S100A16: variants seen among roughly 807,000 people sequenced by gnomAD.
The protein encoded by S100A16 is protein S100-A16.
Under a neutral mutation model 9.0 loss-of-function variants are expected in S100A16, and 8 were observed. The ratio of observed to expected loss-of-function variants is 0.89; its 90% confidence interval spans 0.52 to 1.60. S100A16 has a LOEUF of 1.60. S100A16 is among the 40% of genes most tolerant of loss of function. The pLI is 0.00. For missense variants in S100A16, 138 were observed against 132.4 expected (o/e 1.04, Z -0.21); for synonymous variants, 51 against 51.4 (o/e 0.99, Z 0.04).
At position 153,608,070 on chromosome 1, in the gene S100A16, G is replaced by C; in HGVS notation, c.82C>G (p.Leu28Val). 6.2e-7 allele frequency: 1 copy of C among 1,614,066 alleles called. No homozygotes were observed. Among genetic ancestry groups the C allele is most frequent in the Admixed American group, 1.7e-5 (1 of 60,016 alleles). ...NFYKYVSKYS[L>V]VKNKISKSSF... ...CTCTTGCTGATCTTGTTCTTGACCA[G>C]GCTGTACTTAGACACATATTTGTAG... Residue 28 changes from leucine (L) to valine (V), a missense_variant, in exon 2 of 3, where the codon CTG (leucine) becomes GTG (valine). Leu to Val is a conservative substitution (Grantham distance 32). Coordinates refer to ENST00000368706, the MANE Select transcript of S100A16 (RefSeq NM_080388.3).
chr1:153,608,001 A>G lies in S100A16; in HGVS notation c.151T>C (p.Ser51Pro), dbSNP rs1259296058. Residue 51 changes from serine (S) to proline (P), a missense_variant and splice_region_variant, in exon 2 of 3, where the codon TCG becomes CCG. Ser to Pro is a moderately conservative substitution (Grantham distance 74, BLOSUM62 -1). Coordinates refer to ENST00000368706, the MANE Select transcript of S100A16 (RefSeq NM_080388.3). ...MLQKELNHML[S>P]DTGNRKAADK... The stretch of plus-strand genomic sequence containing the variant: ...GGCCCTTGGGTGAGAGGCCTTACCG[A>G]CAGCATGTGGTTCAGCTCTTTCTGG... 6.2e-7 allele frequency: 1 copy of G among 1,613,892 alleles called. No homozygotes were observed. The highest frequency in any genetic ancestry group is 1.1e-5 in the South Asian group (1 of 91,088).
At chr1:153,607,785 A>G (rs1322596208) in intron 2 of S100A16, 93 bp from the exon 3 acceptor site, 1 of 1,488,098 alleles carries the variant, frequency 6.7e-7, no homozygotes, top group Non-Finnish European at 9.3e-7. Context: ...TCTGGCCTGC[A>G]CAGCTGCTTC....
chr1:153,609,103 C>G (rs749881718), intron 1 of S100A16: 3 of 985,770 alleles, frequency 3.0e-6, no homozygotes, highest in Non-Finnish European at 2.4e-6. Flanking sequence ...GCCCAAAACC[C>G]CCCCACATCA....
chr1:153,611,917 T>TCACACACACACACACACACA (rs55729519), intron 1 of S100A16, among the ~76,000 whole-genome samples: 23 of 140,788 alleles, frequency 1.6e-4, no homozygotes, highest in Non-Finnish European at 2.8e-4. Flanking sequence ...TGTCTCTCTC[T>TCACACACACACACACACACA]CACACACACA....
chr1:153,607,422 G>T lies in S100A16; in HGVS notation c.*112C>A. The stretch of plus-strand genomic sequence containing the variant: ...AGCAAGGGTCAGAGGAAGGTCTGGA[G>T]GGAGAAGAGAGTAAAGGGCCCTGGG... On this transcript the variant is annotated 3_prime_UTR_variant, in exon 3 of 3. Coordinates refer to ENST00000368706, the MANE Select transcript of S100A16 (RefSeq NM_080388.3). The T allele has an allele frequency of 7.9e-7, 1 of 1,262,652 alleles. No individual in the cohort carries two copies. The highest frequency in any genetic ancestry group is 1.1e-6 in the Non-Finnish European group (1 of 884,314). The allele number at this position is 1,262,652 out of a possible 1,614,324, so 78.2% of individuals were successfully genotyped here.
At chr1:153,609,190 G>C (rs933692804) in intron 1 of S100A16, 1 of 985,306 alleles carries the variant, frequency 1.0e-6, no homozygotes, top group Non-Finnish European at 1.2e-6. Context: ...GGCGGGTCCT[G>C]GTGAAAGGAG....
chr1:153,607,569 G>C lies in S100A16; in HGVS notation c.277C>G (p.Leu93Val), dbSNP rs1666722778. Residue 93 changes from leucine to valine, a missense_variant, in exon 3 of 3, where the codon CTC becomes GTC. Coordinates refer to ENST00000368706, the MANE Select transcript of S100A16 (RefSeq NM_080388.3). ...IGGITGPIAK[L>V]IHEQEQQSSS is the part of the protein sequence containing the mutation. The stretch of plus-strand genomic sequence containing the variant: ...CTCTGCTGCTCCTGCTCATGGATGA[G>C]TTTGGCGATGGGGCCGGTGATGCCG... 2.5e-6 allele frequency: 4 copies of C among 1,614,112 alleles called. No homozygotes were observed. The South Asian group carries it at 3.3e-5, about 13-fold the overall frequency.
chr1:153,611,112 T>C (rs1488637615), intron 1 of S100A16, among the ~76,000 whole-genome samples: 1 of 151,604 alleles, frequency 6.6e-6, no homozygotes, highest in Middle Eastern at 3.4e-3. Flanking sequence ...GGCTGATTCA[T>C]CATTGAGCAA....
chr1:153,607,969 G>C (rs1433451500), intron 2 of S100A16, 30 bp downstream of exon 2: 1 of 1,609,484 alleles, frequency 6.2e-7, no homozygotes. Flanking sequence ...AGGGGAGAGG[G>C]AGGCAAGGCC....
Position 153,612,992 on chromosome 1 carries a change from G to T in S100A16, c.-67C>A, listed in dbSNP as rs571836829. ...GCCTCCTCTCCAGCAGGGCTCTGGG[G>T]CCTGGGCTCTGGCACTGCCAAGCAG... On this transcript the variant is annotated 5_prime_UTR_variant, in exon 1 of 3. Transcript: ENST00000368706. 67 of 152,702 alleles carry T rather than the reference G, an allele frequency of 4.4e-4. No individual in the cohort carries two copies. The highest frequency in any genetic ancestry group is 6.1e-4 in the Non-Finnish European group (42 of 68,396). The allele number at this position is 152,702 out of a possible 1,614,324, so 9.5% of individuals were successfully genotyped here.
chr1:153,611,641 C>T (rs1298915253), intron 1 of S100A16, among the ~76,000 whole-genome samples: 1 of 152,134 alleles, frequency 6.6e-6, no homozygotes, highest in South Asian at 2.1e-4. Flanking sequence ...TCATTCATTC[C>T]CTTTTTCATT....
At chr1:153,609,613 C>T (rs1288071582) in intron 1 of S100A16, among the ~76,000 whole-genome samples, 4 of 152,174 alleles carry the variant, frequency 2.6e-5, no homozygotes, top group Non-Finnish European at 4.4e-5. Flanking sequence ...AACCAAGCGG[C>T]GGGACTCAGA....
At chr1:153,608,920 G>C in intron 1 of S100A16, 1 of 986,000 alleles carries the variant, frequency 1.0e-6, no homozygotes, top group East Asian at 1.1e-4. Context: ...GCCAAGCCCA[G>C]TTACAGCCCA....
chr1:153,608,352 G>A (rs1666749964), intron 1 of S100A16, 175 bp from the exon 2 acceptor site: 4 of 600,586 alleles, frequency 6.7e-6, no homozygotes, highest in East Asian at 2.8e-5. Context: ...CCTGGAATGA[G>A]AACTATGCGG....
rs147357546 is a variant in S100A16, at chr1:153,607,576, G to T, written c.270C>A (p.Ile90=). The change falls in exon 3 of 3, where the codon ATC becomes ATA. Residue 90 remains isoleucine (I), a synonymous_variant. Transcript: ENST00000368706. Reference sequence around the variant, plus strand: ...GCTCCTGCTCATGGATGAGTTTGGCGATGGGGCCGGTGATGCCGCCTATCA... The same window carrying T: ...GCTCCTGCTCATGGATGAGTTTGGCTATGGGGCCGGTGATGCCGCCTATCA... ...WTLIGGITGP[I]AKLIHEQEQQ... is the part of the protein sequence containing the mutation. 4.3e-6 allele frequency: 7 copies of T among 1,614,210 alleles called. No individual in the cohort carries two copies. The highest frequency in any genetic ancestry group is 5.9e-6 in the Non-Finnish European group (7 of 1,180,024).
chr1:153,608,326 G>A, intron 1 of S100A16, 149 bp from the exon 2 acceptor site: 2 of 641,326 alleles, frequency 3.1e-6, no homozygotes, highest in Non-Finnish European at 5.4e-6. Flanking sequence ...AACAGAGTGG[G>A]TGGGGGAGAG....
chr1:153,607,971 G>A (rs766396316), intron 2 of S100A16, 28 bp downstream of exon 2: 1 of 1,610,616 alleles, frequency 6.2e-7, no homozygotes, highest in South Asian at 1.1e-5. Flanking sequence ...GGGAGAGGGA[G>A]GCAAGGCCCT....
intron 1 of S100A16, 155 bp from the exon 2 acceptor site, chr1:153,608,332 G>T: frequency 1.6e-6 from 1 of 634,804 alleles, no homozygotes; most frequent in Non-Finnish European, 2.7e-6. Context: ...GTGGGTGGGG[G>T]AGAGTGAGCC....
chr1:153,610,790 G>A (rs1258969513), intron 1 of S100A16, among the ~76,000 whole-genome samples: 1 of 152,060 alleles, frequency 6.6e-6, no homozygotes, highest in Admixed American at 6.5e-5. Flanking sequence ...GAGGCCAGGA[G>A]ACAGGATCTG....
Sources: allele counts gnomAD v4.1 joint callset (sites outside exome capture counted in the v4.1 genomes callset), GRCh38; gene constraint gnomAD v4.1.1; transcripts MANE v1.5; gene names NCBI Gene and HGNC (gene_info 2026-07-23, HGNC 2026-07-21).